PPIL2: variants seen among roughly 807,000 people sequenced by gnomAD.
The protein encoded by PPIL2 is RING-type E3 ubiquitin-protein ligase PPIL2.
A neutral mutation model predicts 75.2 loss-of-function variants in PPIL2; 50 were observed. The observed-to-expected ratio is 0.66, with a 90% confidence interval of 0.53 to 0.84. The LOEUF is 0.84. Ranked by LOEUF, PPIL2 falls within the 40% of genes least tolerant of loss-of-function variation. The pLI, the probability that PPIL2 is intolerant of heterozygous loss-of-function variation, is 0.00. For missense variants in PPIL2, 590 were observed against 685.0 expected, an observed-to-expected ratio of 0.86 and a Z score of 1.55; for synonymous variants, 245 against 258.8, an observed-to-expected ratio of 0.95 and a Z score of 0.51.
chr22:21,678,488 C>G lies in PPIL2; in HGVS notation c.296-2811C>G, dbSNP rs529810203. On this transcript the variant is annotated intron_variant, in intron 6 of 19. Coordinates refer to ENST00000398831, the MANE Select transcript of PPIL2 (RefSeq NM_014337.4). Reference sequence around the variant, plus strand: ...TCAAGTGATCCACCTGCCTCAGCCTCCCAAAGTGCTGGGATTACAGGCGTG... The same window carrying G: ...TCAAGTGATCCACCTGCCTCAGCCTGCCAAAGTGCTGGGATTACAGGCGTG... Among the ~76,000 whole-genome samples, 18 of 152,264 alleles carry G rather than the reference C, an allele frequency of 1.2e-4. No homozygotes were observed. In the South Asian group the frequency reaches 3.7e-3, roughly 32 times the overall value.
rs1287468257 is a variant in PPIL2, at chr22:21,684,871, C to T, written c.672C>T (p.Thr224=). The change falls in exon 10 of 20, where the codon ACC becomes ACT. Residue 224 remains threonine, a synonymous_variant. Coordinates refer to ENST00000398831, the MANE Select transcript of PPIL2 (RefSeq NM_014337.4). ...EFKGDEILAA[T]MKAPEKKKVD... ...AAGGGGACGAGATTCTGGCAGCCAC[C>T]ATGAAGGCCCCGGAGAAGAAGAAAG... The T allele has an allele frequency of 3.1e-6, 5 of 1,613,964 alleles. No homozygotes were observed. The highest frequency in any genetic ancestry group is 1.7e-6 in the Non-Finnish European group (2 of 1,179,960).
chr22:21,687,865 C>A, intron 13 of PPIL2, 133 bp downstream of exon 13: 1 of 1,073,960 alleles, frequency 9.3e-7, no homozygotes, highest in Non-Finnish European at 1.4e-6. Context: ...TGGTGATCCT[C>A]TGTTGGGGAA....
At chr22:21,692,204 G>A (rs539222248) in intron 15 of PPIL2, among the ~76,000 whole-genome samples, 70 of 151,440 alleles carry the variant, frequency 4.6e-4, no homozygotes, top group Non-Finnish European at 7.5e-4. Context: ...CCCCCAGGCT[G>A]GAGTGCAGCG....
chr22:21,674,578 G>A (rs1040318418), intron 5 of PPIL2, among the ~76,000 whole-genome samples: 3 of 152,278 alleles, frequency 2.0e-5, no homozygotes, highest in Non-Finnish European at 4.4e-5. Context: ...GCGTGTGTCT[G>A]TAGTCCTAGC....
In PPIL2 at chr22:21,681,784, G is replaced by A. The variant is rs1306902162; in HGVS notation, c.387+394G>A. On this transcript the variant is annotated intron_variant, in intron 7 of 19. Transcript: ENST00000398831. ...AGTCACTTGCCCCCAGGAGGGAGCT[G>A]TCCCCTGGAGGAGTTCTGGCAGGGA... is the stretch of plus-strand genomic sequence containing the variant. 4.6e-5 allele frequency among the ~76,000 whole-genome samples: 7 copies of A among 152,260 alleles called. No individual in the cohort carries two copies. In the South Asian group the frequency reaches 6.2e-4, roughly 13 times the overall value.
At chr22:21,694,484 C>G in intron 16 of PPIL2, 109 bp from the exon 17 acceptor site, 1 of 1,281,636 alleles carries the variant, frequency 7.8e-7, no homozygotes, top group African/African-American at 1.5e-5. Context: ...CCAAGGACCA[C>G]CAGGCCAGCC....
chr22:21,667,282 G>A (rs1017055825), intron 1 of PPIL2, among the ~76,000 whole-genome samples: 6 of 150,102 alleles, frequency 4.0e-5, no homozygotes, highest in Non-Finnish European at 7.4e-5. Flanking sequence ...TCAGCCTCCC[G>A]AGTAGCTGGG....
rs138404533 is a variant in PPIL2, at chr22:21,681,318, G to A, written c.315G>A (p.Val105=). Residue 105 remains valine, a synonymous_variant, in exon 7 of 20, where the codon GTG becomes GTA. Coordinates refer to ENST00000398831, the MANE Select transcript of PPIL2 (RefSeq NM_014337.4). ...CTCTAGGGAAGTACCACTGCCCAGT[G>A]CTGTTTACCGTGTTCACCAACAACA... is the stretch of plus-strand genomic sequence containing the variant. ...KNSEGKYHCP[V]LFTVFTNNTH... is the part of the protein sequence containing the mutation. The A allele has an allele frequency of 3.1e-6, 5 of 1,614,024 alleles. No individual in the cohort carries two copies. The African/African-American group carries it at 4.0e-5, about 13-fold the overall frequency.
At chr22:21,666,718 G>A (rs403865) in intron 1 of PPIL2, among the ~76,000 whole-genome samples, 149,234 of 152,214 alleles carry the variant, frequency 0.98, 73,242 homozygotes, top group African/African-American at 1. Context: ...CTGAGGCAGG[G>A]GAATCGCTTG....
At chr22:21,688,922 C>G (rs930497205) in intron 15 of PPIL2, 73 bp downstream of exon 15, 1 of 1,368,984 alleles carries the variant, frequency 7.3e-7, no homozygotes, top group Admixed American at 1.7e-5. Flanking sequence ...CCTCTTGGCC[C>G]TCTCTGAAGG....
chr22:21,678,371 A>G (rs2148522869), intron 6 of PPIL2, among the ~76,000 whole-genome samples: 1 of 152,178 alleles, frequency 6.6e-6, no homozygotes, highest in Non-Finnish European at 1.5e-5. Flanking sequence ...AGCTGGGACT[A>G]CAGGCACCAC....
intron 14 of PPIL2, among the ~76,000 whole-genome samples, chr22:21,688,346 T>C (rs563294145): frequency 2.6e-5 from 4 of 152,216 alleles, no homozygotes; most frequent in Non-Finnish European, 5.9e-5. Context: ...CCTGGGCCCC[T>C]GGGGTCTGCC....
intron 19 of PPIL2, 96 bp downstream of exon 19, chr22:21,695,166 G>A: frequency 6.9e-7 from 1 of 1,453,558 alleles, no homozygotes; most frequent in Non-Finnish European, 9.1e-7. Context: ...GCAAGCTATG[G>A]GCACTGGTCC....
At chr22:21,671,186 C>T (rs2148502930) in intron 4 of PPIL2, 127 bp downstream of exon 4, 2 of 949,370 alleles carry the variant, frequency 2.1e-6, no homozygotes, top group Middle Eastern at 4.2e-4. Flanking sequence ...GCCTTGGGGA[C>T]ATGGCAGCAA....
In PPIL2 at chr22:21,682,530, A is replaced by G; in HGVS notation, c.477+4A>G. 6.4e-7 allele frequency: 1 copy of G among 1,573,942 alleles called. No individual in the cohort carries two copies. The highest frequency in any genetic ancestry group is 8.6e-7 in the Non-Finnish European group (1 of 1,161,154). On this transcript the variant is annotated splice_donor_region_variant and intron_variant, in intron 8 of 19. Transcript: ENST00000398831. ...GCAGGACATCATCACCCTCCAGGTG[A>G]GTGTCCCCTGCCTGCCTGCCCCAGC...
chr22:21,675,200 C>A, intron 6 of PPIL2, 85 bp downstream of exon 6: 7 of 1,291,508 alleles, frequency 5.4e-6, no homozygotes, highest in Non-Finnish European at 6.7e-6. Flanking sequence ...CGGAATCAGT[C>A]ATTGCTTTCT....
In PPIL2 at chr22:21,694,641, T is replaced by C. The variant is rs1406488758; in HGVS notation, c.1245T>C (p.Ser415=). ...TGACAGCCATGGAGAATGTGGAGAG[T>C]GACCCCAAAACTGACCGCCCTAAGG... ...DVLTAMENVE[S]DPKTDRPKEE... is the part of the protein sequence containing the mutation. Residue 415 remains serine (S), a synonymous_variant, in exon 17 of 20, where the codon AGT becomes AGC. Transcript: ENST00000398831. 1.6e-5 allele frequency: 26 copies of C among 1,613,960 alleles called. No individual in the cohort carries two copies. Among genetic ancestry groups the C allele is most frequent in the Non-Finnish European group, 2.2e-5 (26 of 1,179,968 alleles).
At position 21,693,205 on chromosome 22, in the gene PPIL2, G is replaced by A. The variant is rs371056414; in HGVS notation, c.1140-611G>A. Among the ~76,000 whole-genome samples, 20 of 151,964 alleles carry A rather than the reference G, an allele frequency of 1.3e-4. 1 individual carries two copies. The highest frequency in any genetic ancestry group is 2.2e-4 in the Non-Finnish European group (15 of 68,006). ...TGGGACTACAGGCACACGCCACCAC[G>A]CCCAGCTAATTTTTGTATTTTTAAT... is the stretch of plus-strand genomic sequence containing the variant. On this transcript the variant is annotated intron_variant, in intron 15 of 19. Coordinates refer to ENST00000398831, the MANE Select transcript of PPIL2 (RefSeq NM_014337.4).
chr22:21,670,976 G>C (rs374080411), intron 3 of PPIL2, 21 bp from the exon 4 acceptor site: 9 of 1,603,578 alleles, frequency 5.6e-6, no homozygotes, highest in Non-Finnish European at 7.7e-6. Context: ...CAACTCACCA[G>C]GAATGACTGT....
Sources: allele counts gnomAD v4.1 joint callset (sites outside exome capture counted in the v4.1 genomes callset), GRCh38; gene constraint gnomAD v4.1.1; transcripts MANE v1.5; gene names NCBI Gene and HGNC (gene_info 2026-07-23, HGNC 2026-07-21).